The following LIMK1 variants were observed in gnomAD, a reference collection of about 807,000 sequenced individuals.
LIMK1 encodes LIM motif-containing protein kinase.
LIMK1 carries 21 observed loss-of-function variants against 77.6 expected under a neutral mutation model. The ratio of observed to expected loss-of-function variants is 0.27; its 90% CI spans 0.19 to 0.39. The LOEUF is 0.39. LIMK1 is among the 10% of genes least tolerant of loss of function. The pLI is 1.00. For synonymous variants in LIMK1, 358 were observed against 370.0 expected, an observed-to-expected ratio of 0.97 and a Z score of 0.37; for missense variants, 696 against 901.6, an observed-to-expected ratio of 0.77 and a Z score of 2.92.
intron 2 of LIMK1, among the ~76,000 whole-genome samples, chr7:74,090,364 G>T (rs1799213904): frequency 8.8e-6 from 1 of 113,712 alleles, no homozygotes; most frequent in South Asian, 3.7e-4. Context: ...GACAGAGCAA[G>T]ACTCCATCTC....
At chr7:74,115,991 C>A in intron 13 of LIMK1, 33 bp downstream of exon 13, 1 of 1,597,966 alleles carries the variant, frequency 6.3e-7, no homozygotes, top group Non-Finnish European at 8.6e-7. Context: ...TCATGGCCCT[C>A]ACGGGAAGCC....
chr7:74,113,200 T>G (rs1167016386), intron 12 of LIMK1, among the ~76,000 whole-genome samples: 2 of 151,992 alleles, frequency 1.3e-5, no homozygotes, highest in African/African-American at 4.8e-5. Flanking sequence ...GGCATAAGCC[T>G]ATGGTCCCAA....
rs1301679756 is a variant in LIMK1 at position 74,083,898 on chromosome 7, C to T, written c.-93C>T. 12 of 172,310 alleles carry T rather than the reference C, an allele frequency of 7.0e-5. No individual in the cohort carries two copies. The highest frequency in any genetic ancestry group is 2.7e-4 in the African/African-American group (11 of 41,120). 10.7% of individuals were successfully genotyped at this position (172,310 alleles called of 1,614,324 possible). On this transcript the variant is annotated 5_prime_UTR_variant, in exon 1 of 16. Coordinates refer to ENST00000336180, the MANE Select transcript of LIMK1 (RefSeq NM_002314.4). ...GGCCCGGCCCGGCCCGCGCCCTCCG[C>T]CCCCGCCTCCCCGGGCCGGCGGCGG...
intron 2 of LIMK1, among the ~76,000 whole-genome samples, chr7:74,090,805 T>A (rs1007242071): frequency 6.5e-4 from 99 of 152,136 alleles, no homozygotes; most frequent in African/African-American, 2.3e-3. Flanking sequence ...TGCATGCCCC[T>A]CCCAGTGGAA....
chr7:74,106,477 G>A (rs10269696), intron 7 of LIMK1, among the ~76,000 whole-genome samples: 6,280 of 152,258 alleles, frequency 0.041, 442 homozygotes, highest in African/African-American at 0.14. Context: ...AGCCGGGGAC[G>A]GGGCCAGGCG....
At chr7:74,102,468 A>AAAAGAAGG (rs1371674182) in intron 5 of LIMK1, among the ~76,000 whole-genome samples, 1 of 74,612 alleles carries the variant, frequency 1.3e-5, no homozygotes, top group Non-Finnish European at 3.0e-5. Flanking sequence ...AGATATTCTC[A>AAAAGAAGG]AAAGAAGGAC....
At chr7:74,108,809 G>A (rs1229371155) in intron 9 of LIMK1, 96 bp from the exon 10 acceptor site, 17 of 1,526,600 alleles carry the variant, frequency 1.1e-5, no homozygotes, top group Middle Eastern at 2.4e-4. Context: ...CTTTGAGACC[G>A]CCTACAGCCC....
intron 7 of LIMK1, among the ~76,000 whole-genome samples, chr7:74,106,572 C>T (rs555530326): frequency 2.5e-4 from 38 of 152,234 alleles, no homozygotes; most frequent in South Asian, 8.3e-4. Flanking sequence ...ACCAGCCTGG[C>T]CAACATGGGA....
intron 4 of LIMK1, 152 bp downstream of exon 4, chr7:74,097,341 A>T: frequency 1.9e-6 from 1 of 539,212 alleles, no homozygotes; most frequent in Admixed American, 3.6e-5. Flanking sequence ...CCATCCCGGC[A>T]TGGAAACAAG....
intron 5 of LIMK1, 35 bp from the exon 6 acceptor site, chr7:74,105,840 G>A: frequency 6.6e-7 from 1 of 1,525,900 alleles, no homozygotes; most frequent in Non-Finnish European, 9.1e-7. Context: ...CTGAGGGACA[G>A]GTGGGCACTG....
intron 10 of LIMK1, 36 bp from the exon 11 acceptor site, chr7:74,111,612 A>T (rs1563922167): frequency 1.3e-6 from 2 of 1,587,888 alleles, no homozygotes; most frequent in Non-Finnish European, 1.7e-6. Context: ...CGGGGCCCCC[A>T]CCGGCCCCAC....
At position 74,088,324 on chromosome 7, in the gene LIMK1, G is replaced by A. The variant is rs142864958; in HGVS notation, c.152+2480G>A. Among the ~76,000 whole-genome samples the A allele has an allele frequency of 4.7e-4, 72 of 152,278 alleles. No individual in the cohort carries two copies. In the East Asian group the frequency reaches 9.5e-3, roughly 20 times the overall value. On this transcript the variant is annotated intron_variant, in intron 2 of 15. Coordinates refer to ENST00000336180, the MANE Select transcript of LIMK1 (RefSeq NM_002314.4). ...ATTCTGCATCAGGTGCTCAGAAAGAGGCCTTCGGGGGGCAAGAGGGCTCTC... is the reference window on the plus strand; with the variant it reads ...ATTCTGCATCAGGTGCTCAGAAAGAAGCCTTCGGGGGGCAAGAGGGCTCTC...
chr7:74,117,421 G>A (rs1484434770), intron 13 of LIMK1, among the ~76,000 whole-genome samples: 5 of 152,086 alleles, frequency 3.3e-5, no homozygotes, highest in Non-Finnish European at 1.5e-5. Context: ...TGCAGAGTCC[G>A]ATGGAAGGTG....
intron 2 of LIMK1, chr7:74,093,023 C>A: frequency 1.0e-6 from 1 of 969,604 alleles, no homozygotes; most frequent in Non-Finnish European, 1.4e-6. Context: ...GCTCCCCACC[C>A]GCACCAAAGC....
chr7:74,115,718 G>A, intron 12 of LIMK1, 84 bp from the exon 13 acceptor site: 1 of 1,493,922 alleles, frequency 6.7e-7, no homozygotes. Flanking sequence ...CTGTCTACAG[G>A]TTGGCTTGGG....
intron 4 of LIMK1, among the ~76,000 whole-genome samples, chr7:74,098,658 C>T (rs1433573061): frequency 6.6e-6 from 1 of 152,066 alleles, no homozygotes; most frequent in Non-Finnish European, 1.5e-5. Flanking sequence ...GCCAGCCTGG[C>T]CAACATGGTG....
intron 9 of LIMK1, among the ~76,000 whole-genome samples, chr7:74,108,474 G>A (rs543644475): frequency 6.3e-4 from 96 of 151,972 alleles, no homozygotes; most frequent in Non-Finnish European, 5.3e-4. Flanking sequence ...GCAAAACCCC[G>A]TCTCTACTAA....
intron 13 of LIMK1, among the ~76,000 whole-genome samples, chr7:74,118,485 T>G (rs1319350943): frequency 6.8e-6 from 1 of 146,764 alleles, no homozygotes; most frequent in Admixed American, 6.8e-5. Context: ...GGCGCAGTGG[T>G]TCACGCTTGT....
intron 2 of LIMK1, among the ~76,000 whole-genome samples, chr7:74,087,876 C>T (rs539340682): frequency 2.0e-5 from 3 of 152,146 alleles, no homozygotes; most frequent in Admixed American, 1.3e-4. Flanking sequence ...AGGCATGAGC[C>T]ACTGCACCTG....
Sources: gnomAD v4.1 joint callset for allele counts (sites outside exome capture counted in the v4.1 genomes callset) on GRCh38, gnomAD v4.1.1 for gene constraint, MANE v1.5 for transcripts, NCBI Gene and HGNC (gene_info 2026-07-23, HGNC 2026-07-21) for gene names.